MGAM: variants seen among roughly 807,000 people sequenced by gnomAD.
MGAM encodes alpha-1,4-glucosidase.
A neutral mutation model predicts 358.8 loss-of-function variants in MGAM; 253 were observed. The ratio of observed to expected loss-of-function variants is 0.71; its 90% CI spans 0.64 to 0.78. MGAM has a LOEUF of 0.78. Ranked by LOEUF, MGAM falls within the 30% of genes least tolerant of loss-of-function variation. MGAM has a pLI of 0.00. For missense variants in MGAM, 3,080 were observed against 3,432.6 expected, an observed-to-expected ratio of 0.90 and a Z score of 2.57; for synonymous variants, 1,105 against 1,227.1, an observed-to-expected ratio of 0.90 and a Z score of 2.08.
At chr7:142,051,042 T>G (rs1209093064) in intron 24 of MGAM, among the ~76,000 whole-genome samples, 178 bp downstream of exon 24, 3 of 151,976 alleles carry the variant, frequency 2.0e-5, no homozygotes, top group Non-Finnish European at 4.4e-5. Context: ...AGTTGGGTAT[T>G]TTTCTTCTTA....
At position 142,036,288 on chromosome 7, in the gene MGAM, AAGGCTCCTAGGAC is replaced by A; in HGVS notation, c.2076+5_2076+17del. Reference sequence around the variant, plus strand: ...ATCACAATGGCCAAGGCTACAAGGTAAGGCTCCTAGGACATAGAGTCAGAATAAATTTGGCATA... The same window carrying A: ...ATCACAATGGCCAAGGCTACAAGGTAATAGAGTCAGAATAAATTTGGCATA... On this transcript the variant is annotated splice_donor_5th_base_variant and intron_variant, in intron 17 of 70. Transcript: ENST00000475668. 1 of 1,592,452 alleles carries A rather than the reference AAGGCTCCTAGGAC, an allele frequency of 6.3e-7. No homozygotes were observed. Among genetic ancestry groups the A allele is most frequent in the South Asian group, 1.1e-5 (1 of 88,338 alleles).
In MGAM at chr7:142,062,605, G is replaced by A. The variant is rs368560642; in HGVS notation, c.4160G>A (p.Arg1387His). Residue 1387 changes from arginine to histidine, a missense_variant, in exon 35 of 71, where the codon CGT becomes CAT. Arg to His is a conservative substitution (Grantham distance 29, BLOSUM62 0). Coordinates refer to ENST00000475668, the MANE Select transcript of MGAM (RefSeq NM_001365693.1). ...RAYVAFPDFFRNSTAKWWKRE... is the reference protein window; with the variant it reads ...RAYVAFPDFFHNSTAKWWKRE... ...TATGTGGCCTTCCCAGACTTTTTCC[G>A]TAATTCAACTGCCAAGTGGTGGAAG... The A allele has an allele frequency of 6.5e-5, 105 of 1,609,702 alleles. No individual in the cohort carries two copies. Among genetic ancestry groups the A allele is most frequent in the Non-Finnish European group, 7.8e-5 (92 of 1,177,382 alleles).
At chr7:142,034,881 C>T (rs1807845257) in intron 16 of MGAM, 40 bp downstream of exon 16, 1 of 1,572,658 alleles carries the variant, frequency 6.4e-7, no homozygotes, top group African/African-American at 1.4e-5. Context: ...ACCTGAATTC[C>T]CAGGCAACCT....
At chr7:142,021,148 C>T in intron 5 of MGAM, 65 bp downstream of exon 5, 4 of 1,165,976 alleles carry the variant, frequency 3.4e-6, no homozygotes, top group African/African-American at 1.6e-5. Context: ...CGGATGAGTG[C>T]AGTTACTACA....
intron 16 of MGAM, among the ~76,000 whole-genome samples, chr7:142,035,693 T>C (rs1314746690): frequency 6.6e-6 from 1 of 152,100 alleles, no homozygotes; most frequent in East Asian, 1.9e-4. Context: ...TGAGAAATGA[T>C]GCTAAAAAGA....
At chr7:142,058,682 A>G (rs1369060648) in intron 31 of MGAM, among the ~76,000 whole-genome samples, 1 of 152,244 alleles carries the variant, frequency 6.6e-6, no homozygotes, top group Non-Finnish European at 1.5e-5. Flanking sequence ...CTTTTACTTA[A>G]TTCTTGAAAA....
intron 45 of MGAM, among the ~76,000 whole-genome samples, chr7:142,075,989 C>T (rs1813701437): frequency 6.8e-6 from 1 of 146,238 alleles, no homozygotes; most frequent in Non-Finnish European, 1.5e-5. Context: ...TCACTCCTCC[C>T]ATATTCATTA....
chr7:142,072,740 C>T lies in MGAM; in HGVS notation c.5187-1345C>T, dbSNP rs113316694. Among the ~76,000 whole-genome samples, 109 of 146,326 alleles carry T rather than the reference C, an allele frequency of 7.4e-4. 16 individuals carry two copies. The highest frequency in any genetic ancestry group is 2.9e-3 in the Admixed American group (43 of 14,584). ...ATTTGCCTTCTCCTCTATTTGCAAG[C>T]CAGGAATTCCTTCCATCTGACATCA... is the stretch of plus-strand genomic sequence containing the variant. On this transcript the variant is annotated intron_variant, in intron 44 of 70. Coordinates refer to ENST00000475668, the MANE Select transcript of MGAM (RefSeq NM_001365693.1).
At chr7:142,024,417 A>G (rs1051122386) in intron 7 of MGAM, among the ~76,000 whole-genome samples, 137 of 36,516 alleles carry the variant, frequency 3.8e-3, no homozygotes, top group African/African-American at 0.012. Flanking sequence ...CTGTCTGGAA[A>G]AAAAAAAAAA....
In MGAM at chr7:142,008,565, G is replaced by A; in HGVS notation, c.187G>A (p.Gly63Arg). Residue 63 changes from glycine to arginine, a missense_variant, in exon 3 of 71, where the codon GGA (glycine) becomes AGA (arginine). Gly to Arg is a moderately radical substitution (Grantham distance 125). Coordinates refer to ENST00000475668, the MANE Select transcript of MGAM (RefSeq NM_001365693.1). ...DPGTTGTPDP[G>R]TTGTTHARTT... ...TGGGACAACTGGTACCCCAGATCCT[G>A]GAACAACTGGTACCACACATGCTAG... 1 of 1,612,632 alleles carries A rather than the reference G, an allele frequency of 6.2e-7. No individual in the cohort carries two copies. The highest frequency in any genetic ancestry group is 8.5e-7 in the Non-Finnish European group (1 of 1,179,234).
At chr7:142,020,068 C>CA (rs10601773) in intron 4 of MGAM, among the ~76,000 whole-genome samples, 100 of 136,656 alleles carry the variant, frequency 7.3e-4, no homozygotes, top group East Asian at 2.8e-3. Flanking sequence ...GACTCCGTCT[C>CA]AAAAAAAAAA....
rs536822024 is a variant in MGAM, at chr7:142,078,461, T to G, written c.5637T>G (p.Cys1879Trp). ...CAGAAAACTGCACTGCCCGTGGCTGTATCTGGGAGGTAACCATGCTGATGG... is the reference window on the plus strand; with the variant it reads ...CAGAAAACTGCACTGCCCGTGGCTGGATCTGGGAGGTAACCATGCTGATGG... ...DSAENCTARG[C>W]IWEASNSSGV... Residue 1879 changes from cysteine (C) to tryptophan (W), a missense_variant, in exon 48 of 71, where the codon TGT becomes TGG. This residue lies in a region of MGAM where 932 missense variants were observed against 1,198.2 expected (regional missense o/e 0.78). Coordinates refer to ENST00000475668, the MANE Select transcript of MGAM (RefSeq NM_001365693.1). The G allele has an allele frequency of 6.5e-7, 1 of 1,543,604 alleles. No homozygotes were observed. The highest frequency in any genetic ancestry group is 1.8e-5 in the Admixed American group (1 of 56,930).
At chr7:141,998,562 C>A (rs985512121) in intron 1 of MGAM, among the ~76,000 whole-genome samples, 2 of 152,152 alleles carry the variant, frequency 1.3e-5, no homozygotes, top group African/African-American at 4.8e-5. Flanking sequence ...CAGTTTCATC[C>A]ATGTCCCTGC....
chr7:142,020,967 A>G lies in MGAM; in HGVS notation c.449-7A>G, dbSNP rs782046989. On this transcript the variant is annotated splice_region_variant and splice_polypyrimidine_tract_variant and intron_variant, in intron 4 of 70. Coordinates refer to ENST00000475668, the MANE Select transcript of MGAM (RefSeq NM_001365693.1). ...ACTATGAAAACCTTTTTTTTCTCCTATGTTAGGATTCACAGCCCGGTTGAA... is the reference window on the plus strand; with the variant it reads ...ACTATGAAAACCTTTTTTTTCTCCTGTGTTAGGATTCACAGCCCGGTTGAA... 5.1e-5 allele frequency: 82 copies of G among 1,592,832 alleles called. No homozygotes were observed. Among genetic ancestry groups the G allele is most frequent in the East Asian group, 4.5e-4 (20 of 44,648 alleles).
intron 68 of MGAM, among the ~76,000 whole-genome samples, chr7:142,101,659 A>C (rs186283891): frequency 6.4e-4 from 97 of 151,700 alleles, no homozygotes; most frequent in Non-Finnish European, 9.3e-4. Flanking sequence ...TAATCCCAGC[A>C]CTTTGAGAGG....
rs1407474773 is a variant in MGAM at position 142,042,155 on chromosome 7, T to TAC, written c.2498+1310_2498+1311insCA. Among the ~76,000 whole-genome samples, 209 of 51,338 alleles carry TAC rather than the reference T, an allele frequency of 4.1e-3. 4 individuals carry two copies. The highest frequency in any genetic ancestry group is 0.021 in the Middle Eastern group (1 of 48). 33.7% of individuals were successfully genotyped at this position (51,338 alleles called of 152,430 possible). On this transcript the variant is annotated intron_variant, in intron 21 of 70. Transcript: ENST00000475668. ...CATATAATATATAACATATAATATA[T>TAC]ATACATATAATATATAATATATAAC... is the stretch of plus-strand genomic sequence containing the variant.
chr7:142,013,637 G>C (rs1196806465), intron 3 of MGAM, among the ~76,000 whole-genome samples: 1 of 152,168 alleles, frequency 6.6e-6, no homozygotes, highest in African/African-American at 2.4e-5. Flanking sequence ...AGGCTTTTGA[G>C]AATAGGGTGG....
At chr7:142,044,871 A>T (rs1809829158) in intron 21 of MGAM, among the ~76,000 whole-genome samples, 1 of 64,474 alleles carries the variant, frequency 1.6e-5, no homozygotes, top group South Asian at 4.5e-4. Flanking sequence ...ATGATATATA[A>T]TGTATATTAC....
intron 22 of MGAM, among the ~76,000 whole-genome samples, chr7:142,048,816 A>G (rs1810666094): frequency 6.6e-6 from 1 of 152,148 alleles, no homozygotes; most frequent in South Asian, 2.1e-4. Flanking sequence ...TTTAATTGCA[A>G]AATATTTAAT....
Sources: allele counts gnomAD v4.1 joint callset (sites outside exome capture counted in the v4.1 genomes callset), GRCh38; gene constraint gnomAD v4.1.1; regional missense constraint gnomAD v4.1.1; transcripts MANE v1.5; gene names NCBI Gene and HGNC (gene_info 2026-07-23, HGNC 2026-07-21).